CFAP77: variants seen among roughly 807,000 people sequenced by gnomAD.
The protein encoded by CFAP77 is cilia- and flagella-associated protein 77.
CFAP77 carries 25 observed loss-of-function variants against 31.1 expected under a neutral mutation model. That is an observed-to-expected ratio of 0.80 (90% CI 0.59 to 1.12). The LOEUF is 1.12. CFAP77 is among the 50% of genes most tolerant of loss of function. CFAP77 has a pLI of 0.00. For missense variants in CFAP77, 377 were observed against 397.3 expected, an observed-to-expected ratio of 0.95 and a Z score of 0.44; for synonymous variants, 151 against 159.9, an observed-to-expected ratio of 0.94 and a Z score of 0.42.
intron 1 of CFAP77, among the ~76,000 whole-genome samples, chr9:132,434,744 G>A (rs907095848): frequency 2.6e-5 from 4 of 152,162 alleles, no homozygotes; most frequent in African/African-American, 7.2e-5. Flanking sequence ...CAGTGCAAAC[G>A]GATATAGGAA....
At chr9:132,535,750 G>A (rs1158754623) in intron 3 of CFAP77, among the ~76,000 whole-genome samples, 2 of 147,238 alleles carry the variant, frequency 1.4e-5, no homozygotes, top group Non-Finnish European at 3.0e-5. Flanking sequence ...AATAAATAAA[G>A]TCACTTGAAA....
Position 132,552,995 on chromosome 9 carries a change from C to CA in CFAP77, c.732+9952dup, listed in dbSNP as rs1451434303. 1.3e-5 allele frequency among the ~76,000 whole-genome samples: 2 copies of CA among 152,210 alleles called. No homozygotes were observed. The highest frequency in any genetic ancestry group is 2.9e-5 in the Non-Finnish European group (2 of 68,038). ...TTCTGTCTTAGTCAGGCTGCTCTAA[C>CA]AAAATCCCATAGACTGGGGAGCTTA... is the stretch of plus-strand genomic sequence containing the variant. On this transcript the variant is annotated intron_variant, in intron 5 of 5. Transcript: ENST00000393216. The surrounding 1 kb of genome is among the most constrained non-coding windows in gnomAD (Gnocchi z 5.5).
intron 1 of CFAP77, among the ~76,000 whole-genome samples, chr9:132,450,493 G>T (rs558946092): frequency 2.0e-5 from 3 of 152,280 alleles, no homozygotes; most frequent in East Asian, 1.9e-4. Context: ...ATTAAATTCT[G>T]CATATCAGCC....
At chr9:132,562,451 G>A (rs1292779115) in intron 5 of CFAP77, among the ~76,000 whole-genome samples, 2 of 152,192 alleles carry the variant, frequency 1.3e-5, no homozygotes, top group African/African-American at 4.8e-5. Flanking sequence ...GAGCTAAACA[G>A]GGAAGCGTTT....
At chr9:132,549,518 G>A (rs140687620) in intron 5 of CFAP77, among the ~76,000 whole-genome samples, 1 of 152,164 alleles carries the variant, frequency 6.6e-6, no homozygotes, top group Admixed American at 6.5e-5. Flanking sequence ...TCAGTATGCC[G>A]ACGAGCTGAC....
intron 3 of CFAP77, among the ~76,000 whole-genome samples, chr9:132,506,950 T>A (rs1851939961): frequency 1.3e-5 from 2 of 152,020 alleles, no homozygotes; most frequent in Admixed American, 1.3e-4. Context: ...GGGGTAGAGG[T>A]GACACGGGCA....
chr9:132,443,331 G>A (rs550733677), intron 1 of CFAP77, among the ~76,000 whole-genome samples: 5 of 148,900 alleles, frequency 3.4e-5, no homozygotes, highest in East Asian at 2.0e-4. Flanking sequence ...TCGGCTCACC[G>A]CAATCTCCGC....
intron 3 of CFAP77, among the ~76,000 whole-genome samples, chr9:132,521,414 C>A (rs766312889): frequency 3.2e-4 from 48 of 152,196 alleles, no homozygotes; most frequent in Non-Finnish European, 4.7e-4. Flanking sequence ...AGCTTCTCTA[C>A]TGAGTGCAGA....
chr9:132,511,295 C>T lies in CFAP77; in HGVS notation c.524+11695C>T, dbSNP rs904401817. Among the ~76,000 whole-genome samples the T allele has an allele frequency of 6.6e-6, 1 of 152,182 alleles. No individual in the cohort carries two copies. Among genetic ancestry groups the T allele is most frequent in the Non-Finnish European group, 1.5e-5 (1 of 68,036 alleles). Reference sequence around the variant, plus strand: ...CCCTCCCTCCCCACGTTTCTCTGGACTCACAGGTGCTTTTCCCTCTGCCAG... The same window carrying T: ...CCCTCCCTCCCCACGTTTCTCTGGATTCACAGGTGCTTTTCCCTCTGCCAG... On this transcript the variant is annotated intron_variant, in intron 3 of 5. Transcript: ENST00000393216. This position sits in a 1 kb window ranked among gnomAD's most constrained non-coding sequence, Gnocchi z 5.8.
chr9:132,468,312 T>G (rs1851190832), intron 1 of CFAP77, among the ~76,000 whole-genome samples: 1 of 152,080 alleles, frequency 6.6e-6, no homozygotes, highest in Non-Finnish European at 1.5e-5. Flanking sequence ...CGCCACTGCC[T>G]CCAGCCTGGG....
intron 1 of CFAP77, among the ~76,000 whole-genome samples, chr9:132,468,452 T>C (rs540407): frequency 0.47 from 72,160 of 151,980 alleles, 17,560 homozygotes; most frequent in East Asian, 0.74. Flanking sequence ...TTCTCTGGAA[T>C]AGGGAACCTC....
At chr9:132,529,642 C>T (rs1401540173) in intron 3 of CFAP77, among the ~76,000 whole-genome samples, 4 of 151,416 alleles carry the variant, frequency 2.6e-5, no homozygotes, top group Non-Finnish European at 4.4e-5. Flanking sequence ...CTGGCTAACA[C>T]GGTGAAACCC....
intron 1 of CFAP77, among the ~76,000 whole-genome samples, chr9:132,429,651 TG>T (rs1564201111): frequency 6.9e-6 from 1 of 144,736 alleles, no homozygotes; most frequent in African/African-American, 2.6e-5. Context: ...AAGACCATCC[TG>T]GCTAACACGG....
rs975929531 is a variant in CFAP77, at chr9:132,481,127, C to T, written c.196-17568C>T. ...CTTTGCACACCCACAAAGCCACACT[C>T]GTGTCTGCCGGCCATGGATACGACA... On this transcript the variant is annotated intron_variant, in intron 1 of 5. Transcript: ENST00000393216. The surrounding 1 kb of genome is among the most constrained non-coding windows in gnomAD (Gnocchi z 5.0). Among the ~76,000 whole-genome samples, 2 of 152,176 alleles carry T rather than the reference C, an allele frequency of 1.3e-5. No homozygotes were observed. The highest frequency in any genetic ancestry group is 2.1e-4 in the South Asian group (1 of 4,832).
intron 1 of CFAP77, among the ~76,000 whole-genome samples, chr9:132,446,937 G>T (rs1021086098): frequency 1.3e-5 from 2 of 151,662 alleles, no homozygotes; most frequent in Non-Finnish European, 2.9e-5. Context: ...TACAGGTGTG[G>T]GGAGCGGGGG....
At chr9:132,468,544 T>C (rs1403142184) in intron 1 of CFAP77, among the ~76,000 whole-genome samples, 4 of 152,070 alleles carry the variant, frequency 2.6e-5, no homozygotes, top group Non-Finnish European at 4.4e-5. Flanking sequence ...AGTTCTCAAC[T>C]CAAATGTCCC....
At chr9:132,488,880 C>T (rs1851607342) in intron 1 of CFAP77, among the ~76,000 whole-genome samples, 1 of 152,092 alleles carries the variant, frequency 6.6e-6, no homozygotes, top group Non-Finnish European at 1.5e-5. Flanking sequence ...TTAATTAGAG[C>T]TGAGAGATGG....
chr9:132,547,355 G>A (rs1412170434), intron 5 of CFAP77, among the ~76,000 whole-genome samples: 1 of 152,198 alleles, frequency 6.6e-6, no homozygotes, highest in Non-Finnish European at 1.5e-5. Flanking sequence ...AGGCTGCTGG[G>A]AGGATCCAGA....
intron 3 of CFAP77, among the ~76,000 whole-genome samples, chr9:132,513,738 G>A (rs1483691861): frequency 6.6e-6 from 1 of 152,210 alleles, no homozygotes; most frequent in Non-Finnish European, 1.5e-5. Context: ...CACACCTGGT[G>A]CCCCTGTGCG....
Sources: gnomAD v4.1 joint callset for allele counts (sites outside exome capture counted in the v4.1 genomes callset) on GRCh38, gnomAD v4.1.1 for gene constraint, Gnocchi (gnomAD v3.1) non-coding constraint, MANE v1.5 for transcripts, NCBI Gene and HGNC (gene_info 2026-07-23, HGNC 2026-07-21) for gene names.